ANKIB1: variants seen among roughly 807,000 people sequenced by gnomAD.
ANKIB1 encodes ankyrin repeat and IBR domain containing 1.
In ANKIB1, 43 loss-of-function variants were observed where a neutral mutation model predicts 122.1. That is an observed-to-expected ratio of 0.35 (90% CI 0.28 to 0.45). The LOEUF is 0.45. ANKIB1 is among the 20% of genes least tolerant of loss of function. The pLI is 1.00. For synonymous variants in ANKIB1, 390 were observed against 442.0 expected (o/e 0.88, Z 1.48); for missense variants, 992 against 1,329.5 (o/e 0.75, Z 3.95).
intron 1 of ANKIB1, among the ~76,000 whole-genome samples, chr7:92,258,028 C>T (rs1438448554): frequency 6.6e-6 from 1 of 152,108 alleles, no homozygotes; most frequent in East Asian, 1.9e-4. Flanking sequence ...TGTGACTTGA[C>T]ATGATATCTA....
chr7:92,272,741 C>T (rs1045357180), intron 1 of ANKIB1, among the ~76,000 whole-genome samples: 22 of 151,982 alleles, frequency 1.4e-4, no homozygotes, highest in Admixed American at 9.8e-4. Flanking sequence ...AGAATATGGT[C>T]GTGTGTCACT....
intron 1 of ANKIB1, among the ~76,000 whole-genome samples, chr7:92,262,794 G>A (rs2131883724): frequency 6.6e-6 from 1 of 152,172 alleles, no homozygotes; most frequent in South Asian, 2.1e-4. Flanking sequence ...TTTAGAAACA[G>A]ATACAGCTGT....
At chr7:92,327,682 A>G (rs1803056996) in intron 4 of ANKIB1, 101 bp from the exon 5 acceptor site, 1 of 490,984 alleles carries the variant, frequency 2.0e-6, no homozygotes, top group African/African-American at 2.0e-5. Context: ...TGGAATGTGG[A>G]ACCGTGGATA....
In ANKIB1 at chr7:92,270,119, G is replaced by A. The variant is rs112882706; in HGVS notation, c.-91+23600G>A. Among the ~76,000 whole-genome samples, 5 of 152,218 alleles carry A rather than the reference G, an allele frequency of 3.3e-5. 1 individual carries two copies. Among genetic ancestry groups the A allele is most frequent in the African/African-American group, 1.2e-4 (5 of 41,524 alleles). On this transcript the variant is annotated intron_variant, in intron 1 of 19. Transcript: ENST00000265742. ...CTGTTGTCACCCAAGCTGGAGTGCAGTGGTGTCATCACAGCTTACTACAGC... is the reference window on the plus strand; with the variant it reads ...CTGTTGTCACCCAAGCTGGAGTGCAATGGTGTCATCACAGCTTACTACAGC...
intron 1 of ANKIB1, among the ~76,000 whole-genome samples, chr7:92,248,668 A>T (rs1483717872): frequency 2.0e-5 from 3 of 152,144 alleles, no homozygotes; most frequent in Non-Finnish European, 4.4e-5. Flanking sequence ...TATTTGACAC[A>T]TTTGCCAAAA....
Position 92,396,417 on chromosome 7 carries a change from A to G in ANKIB1, c.2336A>G (p.Asp779Gly). Residue 779 changes from aspartate (D) to glycine (G), a missense_variant, in exon 18 of 20, where the codon GAT (aspartate) becomes GGT (glycine). Physicochemically the swap from Asp to Gly is moderately conservative, Grantham distance 94. Around this residue, in one of 4 missense-constraint regions of ANKIB1, gnomAD observed 384 missense variants for 412.0 expected, o/e 0.93. Transcript: ENST00000265742. ...RRRHRQRRRGDVHSLLSNPPD... is the reference protein window; with the variant it reads ...RRRHRQRRRGGVHSLLSNPPD... ...AGGCACAGACAACGTCGTCGAGGAG[A>G]TGTTCACAGTCTACTCAGTAATCCT... The G allele has an allele frequency of 1.3e-6, 2 of 1,599,504 alleles. No homozygotes were observed. The highest frequency in any genetic ancestry group is 8.5e-7 in the Non-Finnish European group (1 of 1,172,672).
rs184976484 is a variant in ANKIB1, at chr7:92,257,139, G to A, written c.-91+10620G>A. On this transcript the variant is annotated intron_variant, in intron 1 of 19. Coordinates refer to ENST00000265742, the MANE Select transcript of ANKIB1 (RefSeq NM_019004.2). ...TGAGAGGCGGAGCTTGCAGTGAGCCGAGTAGATCGCCCAACTGCACTCCAG... is the reference window on the plus strand; with the variant it reads ...TGAGAGGCGGAGCTTGCAGTGAGCCAAGTAGATCGCCCAACTGCACTCCAG... Among the ~76,000 whole-genome samples the A allele has an allele frequency of 1.0e-3, 158 of 151,208 alleles. 1 individual carries two copies. The highest frequency in any genetic ancestry group is 3.7e-3 in the African/African-American group (152 of 41,156).
rs935103999 is a variant in ANKIB1, at chr7:92,352,884, A to G, written c.1397+242A>G. ...AACAATGCTGAGTTGAGTTGATGTT[A>G]TTATGCCCATTTTACAGATAAACAA... is the stretch of plus-strand genomic sequence containing the variant. On this transcript the variant is annotated intron_variant, in intron 9 of 19. Transcript: ENST00000265742. Among the ~76,000 whole-genome samples the G allele has an allele frequency of 1.3e-5, 2 of 152,284 alleles. 1 individual carries two copies. Among genetic ancestry groups the G allele is most frequent in the Non-Finnish European group, 2.9e-5 (2 of 68,016 alleles).
intron 11 of ANKIB1, 83 bp from the exon 12 acceptor site, chr7:92,386,426 T>G: frequency 7.2e-7 from 1 of 1,380,310 alleles, no homozygotes; most frequent in Non-Finnish European, 9.6e-7. Context: ...TTATTTAATC[T>G]TTACAGATTG....
intron 2 of ANKIB1, among the ~76,000 whole-genome samples, chr7:92,299,606 A>G (rs1189435788): frequency 6.6e-6 from 1 of 152,196 alleles, no homozygotes; most frequent in African/African-American, 2.4e-5. Context: ...ATTACAACAG[A>G]TGGAATCCTG....
chr7:92,333,308 C>T (rs1803213680), intron 5 of ANKIB1, among the ~76,000 whole-genome samples: 1 of 152,160 alleles, frequency 6.6e-6, no homozygotes, highest in South Asian at 2.1e-4. Context: ...TTTCTCTAGC[C>T]TTATCTCATA....
At chr7:92,389,242 C>T (rs1026501597) in intron 14 of ANKIB1, among the ~76,000 whole-genome samples, 1 of 152,158 alleles carries the variant, frequency 6.6e-6, no homozygotes, top group Admixed American at 6.5e-5. Flanking sequence ...TGTACACATA[C>T]TGAATTTCTT....
chr7:92,372,126 T>C (rs1167768791), intron 11 of ANKIB1, among the ~76,000 whole-genome samples: 1 of 152,030 alleles, frequency 6.6e-6, no homozygotes, highest in Admixed American at 6.6e-5. Flanking sequence ...ATATACTGTC[T>C]CCATACAATT....
At chr7:92,343,657 C>T (rs1209820562) in intron 6 of ANKIB1, among the ~76,000 whole-genome samples, 1 of 151,956 alleles carries the variant, frequency 6.6e-6, no homozygotes, top group African/African-American at 2.4e-5. Context: ...CATAGCCAGA[C>T]CCCATCTCAA....
chr7:92,398,700 G>A lies in ANKIB1; in HGVS notation c.3021G>A (p.Gly1007=). 6.2e-7 allele frequency: 1 copy of A among 1,613,806 alleles called. No homozygotes were observed. The highest frequency in any genetic ancestry group is 2.2e-5 in the East Asian group (1 of 44,866). ...CCCAGCTCCCCTGTATCAAAGATGG[G>A]TCAGAAGGTGTGAAGGATGTGGAAC... is the stretch of plus-strand genomic sequence containing the variant. ...ADSQLPCIKD[G]SEGVKDVELV... Residue 1007 remains glycine (G), a synonymous_variant, in exon 20 of 20, where the codon GGG becomes GGA. Transcript: ENST00000265742.
intron 1 of ANKIB1, among the ~76,000 whole-genome samples, chr7:92,270,490 A>G (rs1801763713): frequency 6.6e-6 from 1 of 152,210 alleles, no homozygotes; most frequent in African/African-American, 2.4e-5. Context: ...GATTTTCAGT[A>G]ATTCAGGTAG....
At chr7:92,367,807 C>G (rs186712713) in intron 10 of ANKIB1, among the ~76,000 whole-genome samples, 2 of 152,082 alleles carry the variant, frequency 1.3e-5, no homozygotes, top group East Asian at 3.9e-4. Flanking sequence ...TTTTTCAGAC[C>G]AGTATTTTTC....
At chr7:92,352,750 T>A in intron 9 of ANKIB1, 108 bp downstream of exon 9, 2 of 1,131,854 alleles carry the variant, frequency 1.8e-6, no homozygotes, top group Non-Finnish European at 2.5e-6. Flanking sequence ...CTTGATAGTA[T>A]TCTTCTTAAT....
At chr7:92,388,863 G>C (rs1804724855) in intron 14 of ANKIB1, among the ~76,000 whole-genome samples, 1 of 152,096 alleles carries the variant, frequency 6.6e-6, no homozygotes, top group Non-Finnish European at 1.5e-5. Context: ...TAGCAGTATA[G>C]CCTGCTTGTT....
Sources: gnomAD v4.1 joint callset for allele counts (sites outside exome capture counted in the v4.1 genomes callset) on GRCh38, gnomAD v4.1.1 for gene constraint, gnomAD v4.1.1 regional missense constraint, MANE v1.5 for transcripts, NCBI Gene and HGNC (gene_info 2026-07-23, HGNC 2026-07-21) for gene names.